ABLIM2: variants seen among roughly 807,000 people sequenced by gnomAD.
ABLIM2 encodes actin binding LIM protein family member 2.
In ABLIM2, 53 loss-of-function variants were observed where a neutral mutation model predicts 97.7. That is an observed-to-expected ratio of 0.54 (90% CI 0.44 to 0.68). The LOEUF (loss-of-function observed/expected upper bound fraction) is 0.68, where lower values mean the gene tolerates loss of function less well. Ranked by LOEUF, ABLIM2 falls within the 30% of genes least tolerant of loss-of-function variation. The pLI, the probability that ABLIM2 is intolerant of heterozygous loss-of-function variation, is 0.00. For missense variants in ABLIM2, 835 were observed against 867.2 expected (o/e 0.96, Z 0.47); for synonymous variants, 361 against 345.8 (o/e 1.04, Z -0.49).
At position 8,027,869 on chromosome 4, in the gene ABLIM2, CAG is replaced by C; in HGVS notation, c.1169-14_1169-13del. 1 of 1,567,822 alleles carries C rather than the reference CAG, an allele frequency of 6.4e-7. No individual in the cohort carries two copies. Among genetic ancestry groups the C allele is most frequent in the Non-Finnish European group, 8.6e-7 (1 of 1,158,850 alleles). ...ACTCACAGTACCAGCTACGGGGTAA[CAG>C]AGAGCAAGTCAGAGTCAACCTGGGC... On this transcript the variant is annotated splice_polypyrimidine_tract_variant and intron_variant, in intron 11 of 20. Coordinates refer to ENST00000447017, the MANE Select transcript of ABLIM2 (RefSeq NM_001130083.2).
intron 1 of ABLIM2, among the ~76,000 whole-genome samples, chr4:8,126,161 AG>A (rs1295366748): frequency 2.0e-5 from 3 of 152,136 alleles, no homozygotes; most frequent in Non-Finnish European, 4.4e-5. Context: ...TGAGGCGCTG[AG>A]GGGGGGCTAT....
rs1364930064 is a variant in ABLIM2, at chr4:7,984,833, G to A, written c.1735+6C>T. On this transcript the variant is annotated splice_donor_region_variant and intron_variant, in intron 18 of 20. Coordinates refer to ENST00000447017, the MANE Select transcript of ABLIM2 (RefSeq NM_001130083.2). ...CAGAGACCCACAGGGTCCCCGCTCTGTGTACCTCGCATGCCCCAGCTGGCA... is the reference window on the plus strand; with the variant it reads ...CAGAGACCCACAGGGTCCCCGCTCTATGTACCTCGCATGCCCCAGCTGGCA... 1 of 1,596,380 alleles carries A rather than the reference G, an allele frequency of 6.3e-7. No homozygotes were observed. The highest frequency in any genetic ancestry group is 2.3e-5 in the East Asian group (1 of 44,266).
chr4:8,131,948 T>TC (rs1458987038), intron 1 of ABLIM2, among the ~76,000 whole-genome samples: 1 of 134,582 alleles, frequency 7.4e-6, no homozygotes, highest in African/African-American at 3.2e-5. Context: ...TCAGCCTGCA[T>TC]CCCTGAGCAC....
intron 1 of ABLIM2, among the ~76,000 whole-genome samples, chr4:8,158,477 G>T (rs1174455222): frequency 6.6e-6 from 1 of 152,166 alleles, no homozygotes; most frequent in Non-Finnish European, 1.5e-5. Context: ...CCCGGCCCGC[G>T]CCACTGAGCT....
chr4:8,064,641 A>AC (rs1805798774), intron 6 of ABLIM2, among the ~76,000 whole-genome samples: 1 of 152,228 alleles, frequency 6.6e-6, no homozygotes, highest in Non-Finnish European at 1.5e-5. Flanking sequence ...TCCTGAACGA[A>AC]CAACATGGAG....
chr4:8,069,787 T>C lies in ABLIM2; in HGVS notation c.675+7841A>G, dbSNP rs1810554294. ...TGTGTCCATGCATGTTGTCTGTGTCTCTCCGTGTGCTTGTGTGTCTCTATG... is the reference window on the plus strand; with the variant it reads ...TGTGTCCATGCATGTTGTCTGTGTCCCTCCGTGTGCTTGTGTGTCTCTATG... On this transcript the variant is annotated intron_variant, in intron 6 of 20. Coordinates refer to ENST00000447017, the MANE Select transcript of ABLIM2 (RefSeq NM_001130083.2). This position sits in a 1 kb window ranked among gnomAD's most constrained non-coding sequence, Gnocchi z 4.2. Among the ~76,000 whole-genome samples, 1 of 152,024 alleles carries C rather than the reference T, an allele frequency of 6.6e-6. No individual in the cohort carries two copies. The highest frequency in any genetic ancestry group is 2.4e-5 in the African/African-American group (1 of 41,392).
rs181822555 is a variant in ABLIM2, at chr4:8,009,819, C to A, written c.1424-717G>T. 5.9e-3 allele frequency among the ~76,000 whole-genome samples: 902 copies of A among 152,282 alleles called. 8 individuals carry two copies. The highest frequency in any genetic ancestry group is 0.02 in the African/African-American group (834 of 41,548). On this transcript the variant is annotated intron_variant, in intron 14 of 20. Transcript: ENST00000447017. ...GATACGCCACTGACTACCCCGCCCA[C>A]CCCCGCAGGAAGAAGCTTTGCACCA... is the stretch of plus-strand genomic sequence containing the variant.
intron 6 of ABLIM2, 120 bp downstream of exon 6, chr4:8,077,508 G>A (rs1234860611): frequency 8.2e-6 from 8 of 981,142 alleles, no homozygotes; most frequent in Non-Finnish European, 1.2e-5. Flanking sequence ...CAGGAATAGG[G>A]AGGTGAAGCT....
At chr4:7,976,553 T>G (rs578181813) in intron 20 of ABLIM2, among the ~76,000 whole-genome samples, 1 of 152,268 alleles carries the variant, frequency 6.6e-6, no homozygotes, top group South Asian at 2.1e-4. Flanking sequence ...CACCTCAGCT[T>G]TCGTATACTT....
chr4:8,114,563 A>C (rs1489023519), intron 1 of ABLIM2, among the ~76,000 whole-genome samples: 1 of 152,084 alleles, frequency 6.6e-6, no homozygotes, highest in Non-Finnish European at 1.5e-5. Context: ...ACAGGCGGGC[A>C]CTTCCTTCCT....
At chr4:8,152,930 G>A (rs1713563912) in intron 1 of ABLIM2, among the ~76,000 whole-genome samples, 1 of 152,164 alleles carries the variant, frequency 6.6e-6, no homozygotes, top group South Asian at 2.1e-4. Flanking sequence ...GTGAGCCTGA[G>A]ACCCCACTTC....
At chr4:8,081,137 CTGTGACTCGA>C (rs1054781865) in intron 4 of ABLIM2, among the ~76,000 whole-genome samples, 14 of 152,190 alleles carry the variant, frequency 9.2e-5, no homozygotes, top group African/African-American at 3.4e-4. Context: ...TTGAACCCAA[CTGTGACTCGA>C]TGTGCCCCCC....
At chr4:8,137,855 T>C (rs955007103) in intron 1 of ABLIM2, among the ~76,000 whole-genome samples, 2 of 152,162 alleles carry the variant, frequency 1.3e-5, no homozygotes, top group South Asian at 4.1e-4. Flanking sequence ...CCCTAGGAGA[T>C]ACCTACACAC....
At chr4:8,013,222 T>C in intron 14 of ABLIM2, among the ~76,000 whole-genome samples, 1 of 137,478 alleles carries the variant, frequency 7.3e-6, no homozygotes, top group South Asian at 2.4e-4. Flanking sequence ...ATTTTTCCTT[T>C]TTTTTTTTTT....
chr4:7,971,115 G>C (rs887265776), intron 20 of ABLIM2, among the ~76,000 whole-genome samples: 1 of 152,140 alleles, frequency 6.6e-6, no homozygotes, highest in African/African-American at 2.4e-5. Context: ...AGTCTCCACT[G>C]CCTCCTAGGT....
chr4:7,970,704 AT>A lies in ABLIM2; in HGVS notation c.1825-3602del, dbSNP rs577126085. On this transcript the variant is annotated intron_variant, in intron 20 of 20. Coordinates refer to ENST00000447017, the MANE Select transcript of ABLIM2 (RefSeq NM_001130083.2). This position sits in a 1 kb window ranked among gnomAD's most constrained non-coding sequence, Gnocchi z 5.3. Reference sequence around the variant, plus strand: ...ACTGTGGGGGGGCGGTGGAGGGAGCATCTGGGTGGCTTCTGAAGTTGCTGGG... The same window carrying A: ...ACTGTGGGGGGGCGGTGGAGGGAGCACTGGGTGGCTTCTGAAGTTGCTGGG... Among the ~76,000 whole-genome samples the A allele has an allele frequency of 3.3e-5, 5 of 151,884 alleles. No homozygotes were observed. Among genetic ancestry groups the A allele is most frequent in the Non-Finnish European group, 7.4e-5 (5 of 67,948 alleles).
Position 8,000,750 on chromosome 4 carries a change from C to T in ABLIM2, c.1618+7309G>A, listed in dbSNP as rs1017065085. On this transcript the variant is annotated intron_variant, in intron 16 of 20. Coordinates refer to ENST00000447017, the MANE Select transcript of ABLIM2 (RefSeq NM_001130083.2). ...TGCGGCCAATCACAAGCACGGATGG[C>T]GAGGCTGCTGCCTGGGAACGGGAGG... 3.3e-5 allele frequency among the ~76,000 whole-genome samples: 5 copies of T among 152,210 alleles called. No homozygotes were observed. In the South Asian group the frequency reaches 8.3e-4, roughly 25 times the overall value.
chr4:7,982,313 T>G (rs35662701), intron 20 of ABLIM2, among the ~76,000 whole-genome samples: 10,640 of 152,290 alleles, frequency 0.07, 387 homozygotes, highest in Non-Finnish European at 0.08. Context: ...GCTCAGATGG[T>G]GCTGGGTGTC....
intron 1 of ABLIM2, among the ~76,000 whole-genome samples, chr4:8,135,579 C>A (rs191109216): frequency 8.5e-5 from 13 of 152,330 alleles, no homozygotes; most frequent in African/African-American, 2.9e-4. Context: ...AGGAAGCAGT[C>A]CTTTCCAGAC....
Sources: allele counts gnomAD v4.1 joint callset (sites outside exome capture counted in the v4.1 genomes callset), GRCh38; gene constraint gnomAD v4.1.1; non-coding constraint Gnocchi (gnomAD v3.1); transcripts MANE v1.5; gene names NCBI Gene and HGNC (gene_info 2026-07-23, HGNC 2026-07-21).